Variants in COLGALT2 observed in about 807,000 individuals in gnomAD.
The protein encoded by COLGALT2 is collagen beta(1-O)galactosyltransferase 2, also known as procollagen galactosyltransferase 2.
COLGALT2 carries 49 observed loss-of-function variants against 73.4 expected under a neutral mutation model. The ratio of observed to expected loss-of-function variants is 0.67; its 90% CI spans 0.53 to 0.85. The LOEUF (loss-of-function observed/expected upper bound fraction) is 0.85. Among genes scored for constraint, COLGALT2 ranks in the 40% least tolerant of loss-of-function variants. The pLI is 0.00. For missense variants in COLGALT2, 722 were observed against 790.2 expected, an observed-to-expected ratio of 0.91 and a Z score of 1.03; for synonymous variants, 295 against 307.6, an observed-to-expected ratio of 0.96 and a Z score of 0.43.
In COLGALT2 at chr1:184,037,403, C is replaced by G. The variant is rs904059659; in HGVS notation, c.-46G>C. 9.1e-6 allele frequency: 12 copies of G among 1,313,238 alleles called. No individual in the cohort carries two copies. The highest frequency in any genetic ancestry group is 1.5e-5 in the African/African-American group (1 of 64,970). The allele number at this position is 1,313,238 out of a possible 1,614,324, so 81.3% of individuals were successfully genotyped here. ...GCGGGGAAGTCCTGGCGCGAGCGCC[C>G]GGCTGGGCTGCCTGAGGGCGGCGGC... On this transcript the variant is annotated 5_prime_UTR_variant, in exon 1 of 12. Coordinates refer to ENST00000361927, the MANE Select transcript of COLGALT2 (RefSeq NM_015101.4).
chr1:183,998,690 T>C (rs1189957781), intron 1 of COLGALT2, among the ~76,000 whole-genome samples: 1 of 152,164 alleles, frequency 6.6e-6, no homozygotes, highest in Non-Finnish European at 1.5e-5. Flanking sequence ...CAATTTTTCC[T>C]TTCCATGTAC....
intron 5 of COLGALT2, among the ~76,000 whole-genome samples, chr1:183,968,927 T>C (rs570095423): frequency 6.6e-6 from 1 of 152,330 alleles, no homozygotes; most frequent in Admixed American, 6.5e-5. Context: ...TTTAGGCCTC[T>C]GTGACAGTTT....
At chr1:183,932,777 C>T (rs941952191), downstream of COLGALT2, among the ~76,000 whole-genome samples, 5 of 152,106 alleles carry the variant, frequency 3.3e-5, no homozygotes, top group Admixed American at 2.0e-4. Context: ...AGCCCTGGGC[C>T]GGAGTGTCCC....
intron 5 of COLGALT2, among the ~76,000 whole-genome samples, chr1:183,967,809 G>T (rs1670921842): frequency 6.6e-6 from 1 of 152,174 alleles, no homozygotes; most frequent in Non-Finnish European, 1.5e-5. Flanking sequence ...CAGACCAACT[G>T]AAAGAAGGAG....
At chr1:184,011,112 T>A (rs1312211671) in intron 1 of COLGALT2, among the ~76,000 whole-genome samples, 3 of 152,158 alleles carry the variant, frequency 2.0e-5, no homozygotes, top group African/African-American at 4.8e-5. Flanking sequence ...CCAAGGGCTA[T>A]TTCAGCTTTT....
intron 10 of COLGALT2, 51 bp from the exon 11 acceptor site, chr1:183,940,838 G>C (rs1253660119): frequency 6.8e-7 from 1 of 1,464,870 alleles, no homozygotes. Context: ...ATTATGCCAT[G>C]ATAAGGATGA....
At chr1:183,940,354 T>C (rs1670073512) in intron 11 of COLGALT2, among the ~76,000 whole-genome samples, 1 of 152,192 alleles carries the variant, frequency 6.6e-6, no homozygotes, top group Non-Finnish European at 1.5e-5. Flanking sequence ...AACTACAAAC[T>C]GGATATTACA....
At chr1:184,012,514 A>C (rs1648841999) in intron 1 of COLGALT2, among the ~76,000 whole-genome samples, 1 of 152,240 alleles carries the variant, frequency 6.6e-6, no homozygotes, top group Non-Finnish European at 1.5e-5. Context: ...TCTTGGAAAC[A>C]ATGAACCTTT....
Position 184,037,404 on chromosome 1 carries a change from G to T in COLGALT2, c.-47C>A. ...CGGGGAAGTCCTGGCGCGAGCGCCC[G>T]GCTGGGCTGCCTGAGGGCGGCGGCG... On this transcript the variant is annotated 5_prime_UTR_variant, in exon 1 of 12. Transcript: ENST00000361927. 3.0e-6 allele frequency: 4 copies of T among 1,311,836 alleles called. No homozygotes were observed. The highest frequency in any genetic ancestry group is 2.2e-5 in the South Asian group (1 of 45,202). 81.3% of individuals were successfully genotyped at this position (1,311,836 alleles called of 1,614,324 possible). A position where few individuals can be genotyped will look rare whatever the true frequency, so the allele number is the denominator to read the frequency against.
At chr1:184,013,909 G>C (rs374103090) in intron 1 of COLGALT2, among the ~76,000 whole-genome samples, 1 of 152,168 alleles carries the variant, frequency 6.6e-6, no homozygotes, top group African/African-American at 2.4e-5. Context: ...TATGGATGAT[G>C]GGGGAGAGGT....
chr1:183,945,609 C>G (rs188958833), intron 8 of COLGALT2, 45 bp from the exon 9 acceptor site: 4 of 1,608,890 alleles, frequency 2.5e-6, no homozygotes, highest in Non-Finnish European at 3.4e-6. Flanking sequence ...GTCAAAGGTC[C>G]CCACCACAAA....
chr1:183,966,168 T>C (rs1174362010), intron 5 of COLGALT2, among the ~76,000 whole-genome samples: 2 of 152,160 alleles, frequency 1.3e-5, no homozygotes, highest in Admixed American at 6.5e-5. Context: ...TATGAATACT[T>C]TCAACCATGT....
rs867041568 is a variant in COLGALT2 at position 183,937,318 on chromosome 1, C to A, written c.*1443G>T. 7.0e-5 allele frequency: 75 copies of A among 1,067,432 alleles called. No homozygotes were observed. In the African/African-American group the frequency reaches 1.1e-3, roughly 16 times the overall value. 66.1% of individuals were successfully genotyped at this position (1,067,432 alleles called of 1,614,324 possible). A position where few individuals can be genotyped will look rare whatever the true frequency, so the allele number is the denominator to read the frequency against. ...GAGACAAAAATTTACAGATTGAGGG[C>A]ATGAGAACATAAACTTGAGGGAAAC... On this transcript the variant is annotated 3_prime_UTR_variant, in exon 12 of 12. Transcript: ENST00000361927.
intron 1 of COLGALT2, among the ~76,000 whole-genome samples, chr1:184,001,951 C>T (rs1671938852): frequency 6.6e-6 from 1 of 152,264 alleles, no homozygotes. Context: ...CAGAAATTTT[C>T]ATTGCTTTAT....
In COLGALT2 at chr1:184,037,075, CG is replaced by C. The variant is rs754249144; in HGVS notation, c.263+19del. 5.2e-6 allele frequency: 8 copies of C among 1,531,592 alleles called. No individual in the cohort carries two copies. Among genetic ancestry groups the C allele is most frequent in the Non-Finnish European group, 4.4e-6 (5 of 1,146,512 alleles). 94.9% of individuals were successfully genotyped at this position (1,531,592 alleles called of 1,614,324 possible). The stretch of plus-strand genomic sequence containing the variant: ...GCCCCCGCGTCCCGCCGCGGCGGCC[CG>C]GGGCCCGTGCGCGCTCACCAGATGG... On this transcript the variant is annotated intron_variant, in intron 1 of 11. Coordinates refer to ENST00000361927, the MANE Select transcript of COLGALT2 (RefSeq NM_015101.4).
chr1:183,936,166 G>A lies in COLGALT2; in HGVS notation c.*2595C>T. 4.1e-6 allele frequency: 4 copies of A among 985,634 alleles called. No individual in the cohort carries two copies. The highest frequency in any genetic ancestry group is 4.8e-6 in the Non-Finnish European group (4 of 830,084). 61.1% of individuals were successfully genotyped at this position (985,634 alleles called of 1,614,324 possible). On this transcript the variant is annotated 3_prime_UTR_variant, in exon 12 of 12. Transcript: ENST00000361927. Reference sequence around the variant, plus strand: ...AGGCAGAGAGCGGGTGCCAGGCCCAGATGCAAAGGCCTCTATACTGACGCC... The same window carrying A: ...AGGCAGAGAGCGGGTGCCAGGCCCAAATGCAAAGGCCTCTATACTGACGCC...
intron 1 of COLGALT2, among the ~76,000 whole-genome samples, chr1:184,012,950 G>T (rs1648857683): frequency 6.6e-6 from 1 of 152,204 alleles, no homozygotes; most frequent in Non-Finnish European, 1.5e-5. Flanking sequence ...AAAAGAAGAG[G>T]GCGGGCCCTC....
chr1:184,013,370 G>T (rs1648875110), intron 1 of COLGALT2, among the ~76,000 whole-genome samples: 1 of 152,136 alleles, frequency 6.6e-6, no homozygotes, highest in Non-Finnish European at 1.5e-5. Flanking sequence ...GCACACAATA[G>T]GTCTCAGCCC....
intron 1 of COLGALT2, among the ~76,000 whole-genome samples, chr1:184,025,783 G>C (rs996061185): frequency 1.3e-5 from 2 of 152,164 alleles, no homozygotes; most frequent in African/African-American, 4.8e-5. Flanking sequence ...GAGCTTCCTA[G>C]AAAAGGATTT....
Sources: allele counts gnomAD v4.1 joint callset (sites outside exome capture counted in the v4.1 genomes callset), GRCh38; gene constraint gnomAD v4.1.1; transcripts MANE v1.5; gene names NCBI Gene and HGNC (gene_info 2026-07-23, HGNC 2026-07-21).